Variants in NUMBL observed in about 807,000 individuals in gnomAD.
The protein encoded by NUMBL is NUMB like endocytic adaptor protein, also known as numb-like protein.
A neutral mutation model predicts 48.9 loss-of-function variants in NUMBL; 20 were observed. That is an observed-to-expected ratio of 0.41 (90% CI 0.29 to 0.59). The LOEUF (loss-of-function observed/expected upper bound fraction) is 0.59. Ranked by LOEUF, NUMBL falls within the 20% of genes least tolerant of loss-of-function variation. The pLI is 0.31. For missense variants in NUMBL, 660 were observed against 846.2 expected (o/e 0.78, Z 2.73); for synonymous variants, 340 against 348.7 (o/e 0.98, Z 0.28).
At chr19:40,689,356 C>T (rs370480516) in intron 1 of NUMBL, among the ~76,000 whole-genome samples, 1 of 152,144 alleles carries the variant, frequency 6.6e-6, no homozygotes. Flanking sequence ...CTGTCACACA[C>T]ACATACACAG....
chr19:40,679,920 G>A (rs1401229426), intron 6 of NUMBL, among the ~76,000 whole-genome samples: 1 of 151,868 alleles, frequency 6.6e-6, no homozygotes, highest in Non-Finnish European at 1.5e-5. Flanking sequence ...CACTGAAAAT[G>A]TATTAAATGC....
At chr19:40,680,794 T>G in intron 6 of NUMBL, 123 bp downstream of exon 6, 1 of 1,114,240 alleles carries the variant, frequency 9.0e-7, no homozygotes, top group South Asian at 1.4e-5. Context: ...TACTTTCTTC[T>G]CCAGATGAGG....
chr19:40,675,761 A>C, intron 7 of NUMBL, among the ~76,000 whole-genome samples: 1 of 151,466 alleles, frequency 6.6e-6, no homozygotes, highest in South Asian at 2.1e-4. Context: ...ACACACACAC[A>C]CTCTCTCTCT....
rs113188788 is a variant in NUMBL at position 40,684,840 on chromosome 19, C to T, written c.110-284G>A. On this transcript the variant is annotated intron_variant, in intron 2 of 9. Coordinates refer to ENST00000252891, the MANE Select transcript of NUMBL (RefSeq NM_004756.5). ...TGGGGTGGGGGGTATGGGGCACAGGCTTCAGGGCATTGGAGGGCTTCTTGT... is the reference window on the plus strand; with the variant it reads ...TGGGGTGGGGGGTATGGGGCACAGGTTTCAGGGCATTGGAGGGCTTCTTGT... The T allele has an allele frequency of 1.0e-3, 427 of 416,232 alleles. 4 individuals carry two copies. Among genetic ancestry groups the T allele is most frequent in the African/African-American group, 8.4e-3 (399 of 47,620 alleles). 25.8% of individuals were successfully genotyped at this position (416,232 alleles called of 1,614,324 possible). A position where few individuals can be genotyped will look rare whatever the true frequency, so the allele number is the denominator to read the frequency against.
intron 1 of NUMBL, 197 bp downstream of exon 1, chr19:40,690,263 G>A (rs1469700989): frequency 2.7e-6 from 1 of 372,360 alleles, no homozygotes; most frequent in Admixed American, 4.6e-5. Flanking sequence ...GGCAAGAGAT[G>A]GCCCAGGGGT....
chr19:40,677,220 G>A lies in NUMBL; in HGVS notation c.730+12C>T. On this transcript the variant is annotated intron_variant, in intron 7 of 9. Coordinates refer to ENST00000252891, the MANE Select transcript of NUMBL (RefSeq NM_004756.5). The stretch of plus-strand genomic sequence containing the variant: ...CACTCTGTGCTCTGCTGGCGCTTGG[G>A]GCAACACCCACCTTTCTTCTTGTCC... 6.4e-7 allele frequency: 1 copy of A among 1,551,002 alleles called. No individual in the cohort carries two copies. Among genetic ancestry groups the A allele is most frequent in the South Asian group, 1.2e-5 (1 of 84,236 alleles).
Position 40,682,761 on chromosome 19 carries a change from G to T in NUMBL, c.366C>A (p.Ala122=). The T allele has an allele frequency of 6.2e-7, 1 of 1,614,146 alleles. No homozygotes were observed. Among genetic ancestry groups the T allele is most frequent in the Non-Finnish European group, 8.5e-7 (1 of 1,180,028 alleles). ...TGTCGTCCACCACTCGGAGCCCATC[G>T]GCTGACACCCACAGGACAGACTTCA... ...KSVKSVLWVS[A]DGLRVVDDKT... The change falls in exon 5 of 10, where the codon GCC becomes GCA. Residue 122 remains alanine (A), a synonymous_variant. Coordinates refer to ENST00000252891, the MANE Select transcript of NUMBL (RefSeq NM_004756.5). This position sits in a 1 kb window ranked among gnomAD's most constrained non-coding sequence, Gnocchi z 4.0.
At chr19:40,680,690 C>T (rs897959259) in intron 6 of NUMBL, among the ~76,000 whole-genome samples, 4 of 152,144 alleles carry the variant, frequency 2.6e-5, no homozygotes, top group African/African-American at 9.7e-5. Flanking sequence ...CTCAGGCAAT[C>T]CCCCCGCCCC....
In NUMBL at chr19:40,688,047, T is replaced by C. The variant is rs899135533; in HGVS notation, c.25-1052A>G. Among the ~76,000 whole-genome samples, 8 of 152,186 alleles carry C rather than the reference T, an allele frequency of 5.3e-5. No individual in the cohort carries two copies. Among genetic ancestry groups the C allele is most frequent in the Non-Finnish European group, 8.8e-5 (6 of 68,032 alleles). ...ACACAACCACATACAGAGGTACTGA[T>C]GGCCACAGCATGCAACCACCCACAA... is the stretch of plus-strand genomic sequence containing the variant. On this transcript the variant is annotated intron_variant, in intron 1 of 9. Coordinates refer to ENST00000252891, the MANE Select transcript of NUMBL (RefSeq NM_004756.5). The surrounding 1 kb of genome is among the most constrained non-coding windows in gnomAD (Gnocchi z 4.6).
intron 8 of NUMBL, among the ~76,000 whole-genome samples, chr19:40,671,403 G>A (rs1599902707): frequency 6.6e-6 from 1 of 152,048 alleles, no homozygotes; most frequent in South Asian, 2.1e-4. Context: ...ATGTGAGTAT[G>A]TGAAATTTCT....
At chr19:40,675,142 C>CAAAAAAAAAAAAA (rs71334931) in intron 7 of NUMBL, among the ~76,000 whole-genome samples, 1 of 29,798 alleles carries the variant, frequency 3.4e-5, no homozygotes, top group Admixed American at 5.9e-4. Context: ...GACTCTGTCT[C>CAAAAAAAAAAAAA]AAAAAAAAAA....
Position 40,684,561 on chromosome 19 carries a change from T to G in NUMBL, c.110-5A>C, listed in dbSNP as rs1257741192. 2.5e-6 allele frequency: 4 copies of G among 1,604,674 alleles called. No individual in the cohort carries two copies. The highest frequency in any genetic ancestry group is 3.4e-6 in the Non-Finnish European group (4 of 1,174,416). ...TGTTCATGGTGCCCGCCCCGTCTGGTGACACAGGACAGTGATGTGGGTCAA... is the reference window on the plus strand; with the variant it reads ...TGTTCATGGTGCCCGCCCCGTCTGGGGACACAGGACAGTGATGTGGGTCAA... On this transcript the variant is annotated splice_region_variant and splice_polypyrimidine_tract_variant and intron_variant, in intron 2 of 9. Coordinates refer to ENST00000252891, the MANE Select transcript of NUMBL (RefSeq NM_004756.5).
At position 40,682,664 on chromosome 19, in the gene NUMBL, C is replaced by A; in HGVS notation, c.399+64G>T. On this transcript the variant is annotated intron_variant, in intron 5 of 9. Transcript: ENST00000252891. This position sits in a 1 kb window ranked among gnomAD's most constrained non-coding sequence, Gnocchi z 4.0. The stretch of plus-strand genomic sequence containing the variant: ...TGCAGAGGAGGCGGGAAGGTGTCCT[C>A]CGCCCTGATTCCAGCAGGGTGAGCA... The A allele has an allele frequency of 6.6e-7, 1 of 1,518,460 alleles. No individual in the cohort carries two copies. The allele number at this position is 1,518,460 out of a possible 1,614,324, so 94.1% of individuals were successfully genotyped here.
In NUMBL at chr19:40,677,221, G is replaced by A. The variant is rs2081880910; in HGVS notation, c.730+11C>T. On this transcript the variant is annotated intron_variant, in intron 7 of 9. Coordinates refer to ENST00000252891, the MANE Select transcript of NUMBL (RefSeq NM_004756.5). Reference sequence around the variant, plus strand: ...ACTCTGTGCTCTGCTGGCGCTTGGGGCAACACCCACCTTTCTTCTTGTCCG... The same window carrying A: ...ACTCTGTGCTCTGCTGGCGCTTGGGACAACACCCACCTTTCTTCTTGTCCG... 6.4e-7 allele frequency: 1 copy of A among 1,551,102 alleles called. No homozygotes were observed.
chr19:40,686,675 C>G (rs1048984277), intron 2 of NUMBL, among the ~76,000 whole-genome samples: 3 of 145,464 alleles, frequency 2.1e-5, no homozygotes, highest in Non-Finnish European at 4.5e-5. Flanking sequence ...GTGTGTGTGT[C>G]TCTAACCGTA....
In NUMBL at chr19:40,667,801, G is replaced by A. The variant is rs755646660; in HGVS notation, c.1497C>T (p.Tyr499=). The A allele has an allele frequency of 6.3e-7, 1 of 1,584,118 alleles. No individual in the cohort carries two copies. The highest frequency in any genetic ancestry group is 8.6e-7 in the Non-Finnish European group (1 of 1,165,638). ...CCACGGGCACCCGGGGCATCGGTGG[G>A]TAGCCCAAGCCCGGGTAGGCGGGCA... ...PFVPAYPGLG[Y]PPMPRVPVVG... is the part of the protein sequence containing the mutation. Residue 499 remains tyrosine, a synonymous_variant, in exon 10 of 10, where the codon TAC becomes TAT. Transcript: ENST00000252891. The surrounding 1 kb of genome is among the most constrained non-coding windows in gnomAD (Gnocchi z 6.1).
At chr19:40,679,118 A>G (rs945564572) in intron 6 of NUMBL, among the ~76,000 whole-genome samples, 2 of 151,918 alleles carry the variant, frequency 1.3e-5, no homozygotes, top group Admixed American at 6.6e-5. Flanking sequence ...CACTGATACA[A>G]GCAGCTCACG....
In NUMBL at chr19:40,673,411, C is replaced by T. The variant is rs1320057346; in HGVS notation, c.969G>A (p.Leu323=). ...ATGGCAGCTCATTCAGCCGTAGGCT[C>T]AGCTGCCGTTTGAAAGGCGAGTTCT... ...SQKNSPFKRQ[L]SLRLNELPST... Residue 323 remains leucine (L), a synonymous_variant, in exon 8 of 10, where the codon CTG becomes CTA. Transcript: ENST00000252891. The surrounding 1 kb of genome is among the most constrained non-coding windows in gnomAD (Gnocchi z 5.9). The T allele has an allele frequency of 7.4e-6, 12 of 1,613,496 alleles. No homozygotes were observed. The highest frequency in any genetic ancestry group is 1.7e-4 in the Middle Eastern group (1 of 6,060).
chr19:40,668,699 T>TC (rs1384574645), intron 9 of NUMBL, among the ~76,000 whole-genome samples: 5 of 152,002 alleles, frequency 3.3e-5, no homozygotes, highest in Admixed American at 1.3e-4. Flanking sequence ...CCTCAAGTAA[T>TC]CCCCCTGCCT....
Sources: allele counts gnomAD v4.1 joint callset (sites outside exome capture counted in the v4.1 genomes callset), GRCh38; gene constraint gnomAD v4.1.1; non-coding constraint Gnocchi (gnomAD v3.1); transcripts MANE v1.5; gene names NCBI Gene and HGNC (gene_info 2026-07-23, HGNC 2026-07-21).